MSI2: variants seen among roughly 807,000 people sequenced by gnomAD.
MSI2 encodes the protein musashi RNA binding protein 2.
In MSI2, 17 loss-of-function variants were observed where a neutral mutation model predicts 45.6. The ratio of observed to expected loss-of-function variants is 0.37; its 90% CI spans 0.26 to 0.56. MSI2 has a LOEUF of 0.56. MSI2 is among the 20% of genes least tolerant of loss of function. The pLI is 0.77. For missense variants in MSI2, 293 were observed against 444.2 expected (o/e 0.66, Z 3.06); for synonymous variants, 156 against 158.2 (o/e 0.99, Z 0.11).
intron 11 of MSI2, among the ~76,000 whole-genome samples, chr17:57,663,358 T>A (rs1912137025): frequency 6.6e-6 from 1 of 152,230 alleles, no homozygotes; most frequent in African/African-American, 2.4e-5. Context: ...TTATTAATAT[T>A]AATAAAATGG....
intron 8 of MSI2, among the ~76,000 whole-genome samples, chr17:57,602,538 TAG>T (rs1427283865): frequency 6.6e-6 from 1 of 152,136 alleles, no homozygotes; most frequent in Non-Finnish European, 1.5e-5. Context: ...GTGTTTTTAG[TAG>T]AGAGAGTGTT....
intron 6 of MSI2, among the ~76,000 whole-genome samples, chr17:57,521,870 A>G (rs1413335925): frequency 3.9e-5 from 6 of 152,152 alleles, no homozygotes; most frequent in Non-Finnish European, 7.4e-5. Flanking sequence ...GAATGAACCA[A>G]TGGGATTTTC....
intron 5 of MSI2, among the ~76,000 whole-genome samples, chr17:57,340,770 C>T (rs2143786897): frequency 6.6e-6 from 1 of 152,216 alleles, no homozygotes; most frequent in South Asian, 2.1e-4. Flanking sequence ...TGGGATTGGG[C>T]CATGGGGACC....
intron 5 of MSI2, among the ~76,000 whole-genome samples, chr17:57,401,012 T>G (rs2083979286): frequency 6.6e-6 from 1 of 152,206 alleles, no homozygotes; most frequent in Admixed American, 6.5e-5. Context: ...GGATGGTTTC[T>G]GGGCAGCAGT....
At chr17:57,259,674 G>A (rs1209891210) in intron 4 of MSI2, among the ~76,000 whole-genome samples, 1 of 152,234 alleles carries the variant, frequency 6.6e-6, no homozygotes, top group East Asian at 1.9e-4. Context: ...TTTCAGAAAT[G>A]ATTTGTAGGA....
Position 57,654,339 on chromosome 17 carries a change from C to T in MSI2, c.790+2178C>T, listed in dbSNP as rs145767274. ...CTAGTTCCTCAGCCCCACTTTGGACCTGGAACAGGGTTACAGGTTTGGGAA... is the reference window on the plus strand; with the variant it reads ...CTAGTTCCTCAGCCCCACTTTGGACTTGGAACAGGGTTACAGGTTTGGGAA... On this transcript the variant is annotated intron_variant, in intron 11 of 13. Coordinates refer to ENST00000284073, the MANE Select transcript of MSI2 (RefSeq NM_138962.4). 8.7e-4 allele frequency among the ~76,000 whole-genome samples: 133 copies of T among 152,366 alleles called. 2 individuals are homozygous for T. Among genetic ancestry groups the T allele is most frequent in the Admixed American group, 4.3e-3 (66 of 15,310 alleles).
intron 5 of MSI2, among the ~76,000 whole-genome samples, chr17:57,293,439 C>T (rs1910617666): frequency 6.6e-6 from 1 of 152,174 alleles, no homozygotes; most frequent in African/African-American, 2.4e-5. Context: ...TTCCTTCCAC[C>T]TCCGCCTCCT....
In MSI2 at chr17:57,537,009, C is replaced by A. The variant is rs113258069; in HGVS notation, c.454+7285C>A. On this transcript the variant is annotated intron_variant, in intron 7 of 13. Transcript: ENST00000284073. ...GGTAGAAACTCAATATGATTGAGTCCAAGAGGTCTTGAGGGGAGTGGAGAG... is the reference window on the plus strand; with the variant it reads ...GGTAGAAACTCAATATGATTGAGTCAAAGAGGTCTTGAGGGGAGTGGAGAG... Among the ~76,000 whole-genome samples, 1,187 of 152,214 alleles carry A rather than the reference C, an allele frequency of 7.8e-3. 13 individuals carry two copies. Among genetic ancestry groups the A allele is most frequent in the African/African-American group, 0.027 (1,116 of 41,520 alleles).
intron 7 of MSI2, among the ~76,000 whole-genome samples, chr17:57,547,291 CAGG>C (rs1281688811): frequency 1.3e-5 from 2 of 152,108 alleles, no homozygotes; most frequent in African/African-American, 2.4e-5. Flanking sequence ...TGGGAACCCT[CAGG>C]AGGAGGTCAG....
At chr17:57,423,752 T>G (rs2084439141) in intron 6 of MSI2, among the ~76,000 whole-genome samples, 1 of 152,146 alleles carries the variant, frequency 6.6e-6, no homozygotes, top group African/African-American at 2.4e-5. Context: ...TTTGCATGGG[T>G]TCTTCACTCT....
At chr17:57,602,910 G>A (rs1459672591) in intron 8 of MSI2, among the ~76,000 whole-genome samples, 1 of 152,214 alleles carries the variant, frequency 6.6e-6, no homozygotes, top group Non-Finnish European at 1.5e-5. Context: ...AATCCCCAGT[G>A]ATTGGCGTGC....
At chr17:57,256,285 C>G (rs926146581), upstream of MSI2, among the ~76,000 whole-genome samples, 13 of 151,830 alleles carry the variant, frequency 8.6e-5, no homozygotes, top group South Asian at 1.7e-3. Context: ...GCGGGGTCCC[C>G]TCCGCCCGCG....
intron 7 of MSI2, among the ~76,000 whole-genome samples, chr17:57,580,443 GC>G (rs780966349): frequency 1.3e-5 from 2 of 152,172 alleles, no homozygotes; most frequent in African/African-American, 4.8e-5. Context: ...GGTGAGGCCT[GC>G]CCCCCACACC....
rs76335750 is a variant in MSI2 at position 57,319,957 on chromosome 17, C to T, written c.312+57765C>T. Among the ~76,000 whole-genome samples, 1,248 of 152,188 alleles carry T rather than the reference C, an allele frequency of 8.2e-3. 11 individuals carry two copies. Among genetic ancestry groups the T allele is most frequent in the Non-Finnish European group, 0.014 (970 of 67,988 alleles). On this transcript the variant is annotated intron_variant, in intron 5 of 13. Coordinates refer to ENST00000284073, the MANE Select transcript of MSI2 (RefSeq NM_138962.4). ...CAGTGGTAAAGTGGAGCGAGAGGGG[C>T]GACTGCAGCTCTCAGATCCCTTATT...
At chr17:57,438,258 G>T (rs1431825214) in intron 6 of MSI2, among the ~76,000 whole-genome samples, 1 of 152,120 alleles carries the variant, frequency 6.6e-6, no homozygotes, top group African/African-American at 2.4e-5. Context: ...TCCCTGACTG[G>T]GCCACCTGTT....
At chr17:57,468,987 C>T (rs772926431) in intron 6 of MSI2, among the ~76,000 whole-genome samples, 2 of 152,160 alleles carry the variant, frequency 1.3e-5, no homozygotes, top group Admixed American at 6.5e-5. Context: ...TGTCAGTTTG[C>T]GTGTTCCCCT....
intron 11 of MSI2, among the ~76,000 whole-genome samples, chr17:57,664,771 T>C (rs1271534926): frequency 6.6e-6 from 1 of 152,198 alleles, no homozygotes; most frequent in Non-Finnish European, 1.5e-5. Context: ...TATTCATGAA[T>C]AATAGTGGAC....
intron 6 of MSI2, among the ~76,000 whole-genome samples, chr17:57,451,311 G>A (rs2085014912): frequency 6.6e-6 from 1 of 152,170 alleles, no homozygotes; most frequent in African/African-American, 2.4e-5. Flanking sequence ...CATTTAAGGA[G>A]GATTTCTCGG....
intron 5 of MSI2, among the ~76,000 whole-genome samples, chr17:57,381,271 G>T (rs1049701115): frequency 6.6e-6 from 1 of 152,040 alleles, no homozygotes; most frequent in Non-Finnish European, 1.5e-5. Flanking sequence ...TCACCATGTT[G>T]CCCAGGCTGG....
Sources: allele counts gnomAD v4.1 joint callset (sites outside exome capture counted in the v4.1 genomes callset), GRCh38; gene constraint gnomAD v4.1.1; transcripts MANE v1.5; gene names NCBI Gene and HGNC (gene_info 2026-07-23, HGNC 2026-07-21).